Variants in EXTL3 observed in about 807,000 individuals in gnomAD.
EXTL3 encodes the protein exostosin-like 3.
In EXTL3, 27 loss-of-function variants were observed where a neutral mutation model predicts 69.3. The observed-to-expected ratio is 0.39, with a 90% CI of 0.29 to 0.54. The LOEUF is 0.54. EXTL3 is among the 20% of genes least tolerant of loss of function. The pLI, the probability that EXTL3 is intolerant of heterozygous loss-of-function variation, is 0.69. For missense variants in EXTL3, 1,003 were observed against 1,231.8 expected (o/e 0.81, Z 2.78); for synonymous variants, 511 against 499.4 (o/e 1.02, Z -0.31).
chr8:28,729,704 CAA>C (rs946844870), intron 3 of EXTL3, among the ~76,000 whole-genome samples: 12 of 146,072 alleles, frequency 8.2e-5, no homozygotes, highest in African/African-American at 3.0e-4. Context: ...GGTTTGGAAT[CAA>C]AGTATGAGTT....
At position 28,717,978 on chromosome 8, in the gene EXTL3, G is replaced by A. The variant is rs746518185; in HGVS notation, c.1919G>A (p.Gly640Asp). 6.2e-7 allele frequency: 1 copy of A among 1,614,172 alleles called. No individual in the cohort carries two copies. Among genetic ancestry groups the A allele is most frequent in the Non-Finnish European group, 8.5e-7 (1 of 1,180,028 alleles). ...LGSGTGFRPI[G>D]GGAGGSGKEF... ...TCAGGGACTGGCTTTCGGCCTATTG[G>A]TGGTGGAGCTGGGGGTTCTGGCAAG... Residue 640 changes from glycine to aspartate, a missense_variant, in exon 3 of 7, where the codon GGT (glycine) becomes GAT (aspartate). Physicochemically the swap from Gly to Asp is moderately conservative, Grantham distance 94. This residue lies in a region of EXTL3 where 261 missense variants were observed against 416.4 expected (regional missense o/e 0.63). Coordinates refer to ENST00000220562, the MANE Select transcript of EXTL3 (RefSeq NM_001440.4). This position sits in a 1 kb window ranked among gnomAD's most constrained non-coding sequence, Gnocchi z 8.3.
intron 1 of EXTL3, among the ~76,000 whole-genome samples, chr8:28,671,315 T>TG (rs199687018): frequency 0.013 from 1,863 of 144,352 alleles, 35 homozygotes; most frequent in African/African-American, 0.042. Flanking sequence ...TTTTGTTTTT[T>TG]TTTTTTTTTT....
chr8:28,710,887 A>G (rs1278471885), intron 1 of EXTL3, among the ~76,000 whole-genome samples: 3 of 152,108 alleles, frequency 2.0e-5, no homozygotes, highest in Admixed American at 1.3e-4. Context: ...AGTCAGGGCA[A>G]TGCTAGGTTT....
chr8:28,637,092 A>G (rs544338433), intron 1 of EXTL3, among the ~76,000 whole-genome samples: 30 of 152,196 alleles, frequency 2.0e-4, no homozygotes, highest in Non-Finnish European at 3.7e-4. Flanking sequence ...TTCCTCTTTC[A>G]GGTCATTAAT....
intron 1 of EXTL3, among the ~76,000 whole-genome samples, chr8:28,686,812 G>T (rs1807585299): frequency 6.6e-6 from 1 of 152,206 alleles, no homozygotes; most frequent in African/African-American, 2.4e-5. Context: ...AATGTTTGTT[G>T]AGTGCTTACT....
intron 6 of EXTL3, among the ~76,000 whole-genome samples, chr8:28,744,724 C>A (rs369915132): frequency 6.6e-6 from 1 of 151,186 alleles, no homozygotes; most frequent in Non-Finnish European, 1.5e-5. Flanking sequence ...AACCTGGAGG[C>A]GGAGGTTGCA....
intron 1 of EXTL3, among the ~76,000 whole-genome samples, chr8:28,642,958 G>A (rs1166417661): frequency 1.3e-5 from 2 of 151,322 alleles, no homozygotes; most frequent in African/African-American, 2.4e-5. Flanking sequence ...TAATAACAAC[G>A]GTGGGCCAGG....
Position 28,609,774 on chromosome 8 carries a change from C to T in EXTL3, n.314+2016C>T, listed in dbSNP as rs535890156. ...GCGTGATGGTGTGAGCCCATAGTCC[C>T]AGCTACTTGGAAGGTTGAGGTGGGA... On this transcript the variant is annotated intron_variant and non_coding_transcript_variant, in intron 2 of 4. Coordinates refer to the EXTL3 transcript ENST00000522725. Among the ~76,000 whole-genome samples the T allele has an allele frequency of 3.3e-5, 5 of 151,678 alleles. 1 individual carries two copies. The highest frequency in any genetic ancestry group is 1.2e-4 in the African/African-American group (5 of 41,348).
chr8:28,661,193 G>T (rs1807109147), intron 1 of EXTL3, among the ~76,000 whole-genome samples: 2 of 152,034 alleles, frequency 1.3e-5, no homozygotes, highest in South Asian at 4.2e-4. Flanking sequence ...GATTACAGGT[G>T]TGATTGTTTG....
chr8:28,669,556 A>G (rs1423206365), intron 1 of EXTL3, among the ~76,000 whole-genome samples: 1 of 152,206 alleles, frequency 6.6e-6, no homozygotes, highest in African/African-American at 2.4e-5. Flanking sequence ...TGTGTTGTGC[A>G]AACTAAGGGG....
At chr8:28,619,314 A>G (rs909211676), upstream of EXTL3, among the ~76,000 whole-genome samples, 2 of 125,496 alleles carry the variant, frequency 1.6e-5, no homozygotes, top group Non-Finnish European at 3.3e-5. Flanking sequence ...AAAAAAAAAA[A>G]ACCCTGTGTG....
At chr8:28,611,916 T>C (rs1779581231) in intron 2 of EXTL3, among the ~76,000 whole-genome samples, 1 of 152,110 alleles carries the variant, frequency 6.6e-6, no homozygotes, top group Non-Finnish European at 1.5e-5. Flanking sequence ...TCATTGGGGC[T>C]CCCTGCAAGA....
intron 2 of EXTL3, among the ~76,000 whole-genome samples, chr8:28,714,932 G>A (rs1439970562): frequency 6.6e-6 from 1 of 152,226 alleles, no homozygotes; most frequent in Non-Finnish European, 1.5e-5. Context: ...TCATTTCTAA[G>A]TATAGTGTTC....
intron 3 of EXTL3, among the ~76,000 whole-genome samples, chr8:28,719,106 G>A (rs913430858): frequency 6.6e-6 from 1 of 152,130 alleles, no homozygotes; most frequent in African/African-American, 2.4e-5. Context: ...AGTCTGATGG[G>A]CCACACGTTG....
At chr8:28,671,301 TG>T (rs1807286767) in intron 1 of EXTL3, among the ~76,000 whole-genome samples, 1 of 143,434 alleles carries the variant, frequency 7.0e-6, no homozygotes, top group Admixed American at 6.9e-5. Context: ...TTTTATGTTT[TG>T]TTTTTTGTTT....
intron 1 of EXTL3, among the ~76,000 whole-genome samples, chr8:28,643,374 G>A (rs376024768): frequency 6.6e-6 from 1 of 151,598 alleles, no homozygotes; most frequent in African/African-American, 2.4e-5. Flanking sequence ...AGTAACCACC[G>A]TCCTGAATTT....
chr8:28,650,918 A>C (rs535291102), intron 1 of EXTL3, among the ~76,000 whole-genome samples: 1 of 151,662 alleles, frequency 6.6e-6, no homozygotes, highest in South Asian at 2.1e-4. Context: ...TTGTTTTTCC[A>C]TATGTATTTT....
At chr8:28,672,340 A>C (rs1252850295) in intron 1 of EXTL3, among the ~76,000 whole-genome samples, 2 of 139,690 alleles carry the variant, frequency 1.4e-5, no homozygotes, top group Non-Finnish European at 3.1e-5. Flanking sequence ...ATGGCATGAA[A>C]CCAGGAGGCG....
In EXTL3 at chr8:28,717,049, A is replaced by T. The variant is rs1342323636; in HGVS notation, c.990A>T (p.Glu330Asp). The change falls in exon 3 of 7, where the codon GAA (glutamate) becomes GAT (aspartate). Residue 330 changes from glutamate to aspartate, a missense_variant. Around this residue, in one of 2 missense-constraint regions of EXTL3, gnomAD observed 742 missense variants for 815.4 expected, o/e 0.91. Coordinates refer to ENST00000220562, the MANE Select transcript of EXTL3 (RefSeq NM_001440.4). This position sits in a 1 kb window ranked among gnomAD's most constrained non-coding sequence, Gnocchi z 8.3. ...VHAMSEPNFMEIPPQVPVKRK... is the reference protein window; with the variant it reads ...VHAMSEPNFMDIPPQVPVKRK... ...CCATGTCTGAGCCCAACTTCATGGA[A>T]ATCCCACCACAGGTGCCGGTGAAGC... 2 of 1,614,212 alleles carry T rather than the reference A, an allele frequency of 1.2e-6. No individual in the cohort carries two copies. The highest frequency in any genetic ancestry group is 1.1e-5 in the South Asian group (1 of 91,078).
Sources: allele counts gnomAD v4.1 joint callset (sites outside exome capture counted in the v4.1 genomes callset), GRCh38; gene constraint gnomAD v4.1.1; regional missense constraint gnomAD v4.1.1; non-coding constraint Gnocchi (gnomAD v3.1); transcripts MANE v1.5; gene names NCBI Gene and HGNC (gene_info 2026-07-23, HGNC 2026-07-21).